The following SLC43A3 variants were observed in gnomAD, a reference collection of about 807,000 sequenced individuals.
SLC43A3 encodes the protein solute carrier family 43 member 3.
SLC43A3 carries 33 observed loss-of-function variants against 53.3 expected under a neutral mutation model. The observed-to-expected ratio is 0.62, with a 90% CI of 0.47 to 0.83. The LOEUF (loss-of-function observed/expected upper bound fraction) is 0.83. Among genes scored for constraint, SLC43A3 ranks in the 40% least tolerant of loss-of-function variants. The pLI is 0.00. For missense variants in SLC43A3, 530 were observed against 610.0 expected, an observed-to-expected ratio of 0.87 and a Z score of 1.38; for synonymous variants, 236 against 246.2, an observed-to-expected ratio of 0.96 and a Z score of 0.39.
intron 11 of SLC43A3, 101 bp downstream of exon 11, chr11:57,414,506 CAAAAAAAA>C (rs397849571): frequency 1.4e-4 from 40 of 288,318 alleles, no homozygotes; most frequent in South Asian, 2.1e-4. Context: ...GACTCTATCA[CAAAAAAAA>C]AAAAAAAAAA....
intron 12 of SLC43A3, 96 bp from the exon 13 acceptor site, chr11:57,409,394 G>C: frequency 1.4e-6 from 2 of 1,442,640 alleles, no homozygotes; most frequent in Non-Finnish European, 1.9e-6. Context: ...CTTGTCCCCA[G>C]CTCCCCTGTC....
intron 4 of SLC43A3, among the ~76,000 whole-genome samples, chr11:57,424,835 G>A (rs1943139341): frequency 6.6e-6 from 1 of 152,148 alleles, no homozygotes; most frequent in African/African-American, 2.4e-5. Context: ...AATCTCACAT[G>A]TGCCTCCCTG....
rs543175762 is a variant in SLC43A3 at position 57,425,570 on chromosome 11, G to A, written c.285C>T (p.Phe95=). 9.3e-5 allele frequency: 150 copies of A among 1,614,038 alleles called. No homozygotes were observed. The South Asian group carries it at 1.6e-3, about 17-fold the overall frequency. The part of the protein sequence containing the change: ...TFPTGYIFDR[F]KTTVARLIAI... ...CTATGAGGCGTGCCACGGTGGTCTT[G>A]AACCGGTCAAAGATGTAGCCAGTGG... The change falls in exon 4 of 14, where the codon TTC becomes TTT. Residue 95 remains phenylalanine (F), a synonymous_variant. Coordinates refer to ENST00000395124, the MANE Select transcript of SLC43A3 (RefSeq NM_199329.3).
chr11:57,415,195 G>A, intron 9 of SLC43A3, 89 bp from the exon 10 acceptor site: 2 of 1,571,046 alleles, frequency 1.3e-6, no homozygotes, highest in Non-Finnish European at 1.7e-6. Flanking sequence ...GAACATTTCA[G>A]ATCCGGGCCC....
intron 7 of SLC43A3, among the ~76,000 whole-genome samples, chr11:57,418,860 A>G (rs1942846423): frequency 6.6e-6 from 1 of 152,140 alleles, no homozygotes; most frequent in East Asian, 1.9e-4. Flanking sequence ...ACCGCACTCC[A>G]GCCTGGGCAA....
In SLC43A3 at chr11:57,413,002, A is replaced by C. The variant is rs540007892; in HGVS notation, c.1060+1613T>G. 6.8e-4 allele frequency among the ~76,000 whole-genome samples: 102 copies of C among 150,918 alleles called. No individual in the cohort carries two copies. In the Middle Eastern group the frequency reaches 0.01, roughly 15 times the overall value. On this transcript the variant is annotated intron_variant, in intron 11 of 13. Coordinates refer to ENST00000395124, the MANE Select transcript of SLC43A3 (RefSeq NM_199329.3). ...ACATCGTAACAAGACAACAGACACC[A>C]GGGGCTGCTGACAGGAGAACAGAGG... is the stretch of plus-strand genomic sequence containing the variant.
chr11:57,414,208 A>G (rs1431043815), intron 11 of SLC43A3, among the ~76,000 whole-genome samples: 1 of 152,220 alleles, frequency 6.6e-6, no homozygotes, highest in Non-Finnish European at 1.5e-5. Context: ...GCAACTAGAC[A>G]GGGTTAAGAA....
intron 5 of SLC43A3, 171 bp downstream of exon 5, chr11:57,423,811 T>C (rs114357340): frequency 2.1e-4 from 124 of 587,792 alleles, no homozygotes; most frequent in African/African-American, 1.9e-3. Flanking sequence ...CTCAATAAAC[T>C]GTTTTCACAG....
chr11:57,414,471 C>A, intron 11 of SLC43A3, 144 bp downstream of exon 11: 2 of 557,164 alleles, frequency 3.6e-6, no homozygotes, highest in East Asian at 3.1e-5. Flanking sequence ...CACACCACTG[C>A]ACTCCAGCCT....
intron 6 of SLC43A3, 64 bp from the exon 7 acceptor site, chr11:57,421,128 C>T: frequency 1.5e-6 from 2 of 1,355,312 alleles, no homozygotes; most frequent in South Asian, 2.4e-5. Flanking sequence ...TCCTGAGCAC[C>T]CAGCATGTGG....
chr11:57,422,873 G>A (rs767007052), intron 5 of SLC43A3, among the ~76,000 whole-genome samples: 3 of 152,228 alleles, frequency 2.0e-5, no homozygotes, highest in African/African-American at 4.8e-5. Flanking sequence ...GCCATCTCAT[G>A]AGATCTGTGT....
At chr11:57,419,389 T>C (rs1221858898) in intron 7 of SLC43A3, among the ~76,000 whole-genome samples, 1 of 152,156 alleles carries the variant, frequency 6.6e-6, no homozygotes, top group African/African-American at 2.4e-5. Flanking sequence ...AGAGTGACGT[T>C]GAGGTCCAGA....
At chr11:57,414,783 C>A (rs1333292640) in intron 10 of SLC43A3, 52 bp from the exon 11 acceptor site, 1 of 1,550,390 alleles carries the variant, frequency 6.4e-7, no homozygotes, top group Non-Finnish European at 8.9e-7. Flanking sequence ...AAACTCCCTT[C>A]CAGGCAGGGA....
Position 57,421,393 on chromosome 11 carries a change from G to T in SLC43A3, c.362-20C>A, listed in dbSNP as rs757240298. On this transcript the variant is annotated intron_variant, in intron 5 of 13. Transcript: ENST00000395124. ...CTGAGCCTGGACCATCAAAGTCAGA[G>T]GTAGGGTGGTGTCATAGTGCAACCC... is the stretch of plus-strand genomic sequence containing the variant. 1 of 1,605,406 alleles carries T rather than the reference G, an allele frequency of 6.2e-7. No homozygotes were observed. The highest frequency in any genetic ancestry group is 1.1e-5 in the South Asian group (1 of 90,232).
rs577419091 is a variant in SLC43A3, at chr11:57,420,875, A to G, written c.531+97T>C. On this transcript the variant is annotated intron_variant, in intron 7 of 13. Coordinates refer to ENST00000395124, the MANE Select transcript of SLC43A3 (RefSeq NM_199329.3). ...GTAAAATGGGGGTAACACAGTACCT[A>G]CCTCACCGAGTTGATGGAGACAAAT... is the stretch of plus-strand genomic sequence containing the variant. The G allele has an allele frequency of 3.6e-6, 3 of 828,364 alleles. No homozygotes were observed. In the South Asian group the frequency reaches 4.5e-5, roughly 12 times the overall value. The allele number at this position is 828,364 out of a possible 1,614,324, so 51.3% of individuals were successfully genotyped here.
At chr11:57,408,051 T>C in intron 13 of SLC43A3, 155 bp from the exon 14 acceptor site, 5 of 585,696 alleles carry the variant, frequency 8.5e-6, no homozygotes, top group Non-Finnish European at 1.5e-5. Flanking sequence ...TATGGTGCCC[T>C]GGAGGAAGGA....
chr11:57,415,191 T>A (rs1208122096), intron 9 of SLC43A3, 85 bp from the exon 10 acceptor site: 1 of 1,574,294 alleles, frequency 6.4e-7, no homozygotes, highest in Non-Finnish European at 8.6e-7. Context: ...AATGGAACAT[T>A]TCAGATCCGG....
chr11:57,421,091 C>A (rs1386700702), intron 6 of SLC43A3, 27 bp from the exon 7 acceptor site: 1 of 1,528,902 alleles, frequency 6.5e-7, no homozygotes, highest in East Asian at 2.2e-5. Flanking sequence ...TAGCCTGGAT[C>A]ACTTATTTAT....
chr11:57,415,183 T>C, intron 9 of SLC43A3, 77 bp from the exon 10 acceptor site: 3 of 1,581,296 alleles, frequency 1.9e-6, no homozygotes, highest in Non-Finnish European at 8.6e-7. Flanking sequence ...GAGGCTTCAA[T>C]GGAACATTTC....
Sources: allele counts gnomAD v4.1 joint callset (sites outside exome capture counted in the v4.1 genomes callset), GRCh38; gene constraint gnomAD v4.1.1; transcripts MANE v1.5; gene names NCBI Gene and HGNC (gene_info 2026-07-23, HGNC 2026-07-21).